Variants in CDH18 observed in about 807,000 individuals in gnomAD.
CDH18 encodes cadherin-18.
In CDH18, 31 loss-of-function variants were observed where a neutral mutation model predicts 67.9. The observed-to-expected ratio is 0.46, with a 90% CI of 0.34 to 0.62. The LOEUF (loss-of-function observed/expected upper bound fraction) is 0.62. CDH18 is among the 20% of genes least tolerant of loss of function. The pLI is 0.01. For missense variants in CDH18, 890 were observed against 975.5 expected (o/e 0.91, Z 1.17); for synonymous variants, 362 against 347.2 (o/e 1.04, Z -0.48).
intron 1 of CDH18, among the ~76,000 whole-genome samples, chr5:20,353,248 A>G (rs2150060488): frequency 6.6e-6 from 1 of 152,280 alleles, no homozygotes; most frequent in South Asian, 2.1e-4. Flanking sequence ...GCTTACCTGT[A>G]AGTGCCCAAG....
chr5:20,424,162 C>A (rs2150163877), intron 1 of CDH18, among the ~76,000 whole-genome samples: 1 of 150,390 alleles, frequency 6.6e-6, no homozygotes, highest in East Asian at 1.9e-4. Flanking sequence ...AGTAATAATT[C>A]TTAATAAGGA....
chr5:19,885,891 A>G (rs1788145397), intron 2 of CDH18, among the ~76,000 whole-genome samples: 2 of 152,208 alleles, frequency 1.3e-5, no homozygotes, highest in Admixed American at 6.5e-5. Context: ...AATTTCTTAT[A>G]TGGTGAGCGT....
chr5:20,413,217 G>T (rs1335036833), intron 1 of CDH18, among the ~76,000 whole-genome samples: 1 of 152,158 alleles, frequency 6.6e-6, no homozygotes, highest in Non-Finnish European at 1.5e-5. Flanking sequence ...ATCATTGATG[G>T]ACATTTGGGT....
chr5:19,948,035 A>G (rs1189370783), intron 2 of CDH18, among the ~76,000 whole-genome samples: 3 of 152,226 alleles, frequency 2.0e-5, no homozygotes, highest in Non-Finnish European at 4.4e-5. Flanking sequence ...AAGATGTTCA[A>G]TATCATTAGC....
At chr5:20,125,285 C>CGTGT (rs3067918) in intron 2 of CDH18, among the ~76,000 whole-genome samples, 3,868 of 150,136 alleles carry the variant, frequency 0.026, 96 homozygotes, top group African/African-American at 0.063. Flanking sequence ...AATACAACTT[C>CGTGT]GTGTGTGTGT....
intron 2 of CDH18, among the ~76,000 whole-genome samples, chr5:20,122,162 C>A (rs1486357235): frequency 6.6e-6 from 1 of 152,176 alleles, no homozygotes; most frequent in Non-Finnish European, 1.5e-5. Flanking sequence ...AATTCTGGCC[C>A]ACAAGTGCCT....
At chr5:20,217,020 T>C (rs10805681) in intron 2 of CDH18, among the ~76,000 whole-genome samples, 20,764 of 151,624 alleles carry the variant, frequency 0.14, 2,258 homozygotes, top group African/African-American at 0.31. Context: ...TATATAAATA[T>C]ATTAAAATAG....
At chr5:19,513,506 T>C (rs1223780739) in intron 10 of CDH18, among the ~76,000 whole-genome samples, 1 of 152,152 alleles carries the variant, frequency 6.6e-6, no homozygotes, top group African/African-American at 2.4e-5. Flanking sequence ...TATCTGTCTT[T>C]TCAAATAACT....
chr5:19,744,445 AGATT>A (rs1318960535), intron 4 of CDH18, among the ~76,000 whole-genome samples: 1 of 151,830 alleles, frequency 6.6e-6, no homozygotes, highest in Non-Finnish European at 1.5e-5. Context: ...ATTCTCACAT[AGATT>A]ATGTGGCATC....
chr5:20,436,391 T>C lies in CDH18; in HGVS notation c.-580+139071A>G, dbSNP rs16887366. On this transcript the variant is annotated intron_variant, in intron 1 of 14. Coordinates refer to the CDH18 transcript ENST00000507958. ...GACTTCCCACTATTCTATCATGCTC[T>C]TGTGTATACTCAATAGCTTAGCTTT... Among the ~76,000 whole-genome samples the C allele has an allele frequency of 7.6e-3, 1,149 of 152,064 alleles. 12 individuals carry two copies. The highest frequency in any genetic ancestry group is 0.026 in the African/African-American group (1,081 of 41,554).
intron 1 of CDH18, among the ~76,000 whole-genome samples, chr5:20,439,173 T>C (rs1749410220): frequency 9.2e-6 from 1 of 108,588 alleles, no homozygotes. Flanking sequence ...TCAACATAAT[T>C]CCACAAAACT....
At chr5:20,558,266 CA>C (rs1324533985) in intron 1 of CDH18, among the ~76,000 whole-genome samples, 2 of 152,142 alleles carry the variant, frequency 1.3e-5, no homozygotes, top group African/African-American at 2.4e-5. Flanking sequence ...CAATAACACA[CA>C]AATGCACACA....
intron 1 of CDH18, among the ~76,000 whole-genome samples, chr5:20,356,731 CTCTCTCT>C: frequency 7.4e-6 from 1 of 135,468 alleles, no homozygotes; most frequent in African/African-American, 3.1e-5. Flanking sequence ...CTCTCTCTCT[CTCTCTCT>C]CTCTCTCTCT....
chr5:20,084,687 A>C (rs7719189), intron 2 of CDH18, among the ~76,000 whole-genome samples: 115,825 of 152,034 alleles, frequency 0.76, 46,794 homozygotes, highest in Non-Finnish European at 0.9. Flanking sequence ...AGGTTCCCAA[A>C]CCTCAATTCT....
chr5:20,088,698 A>G (rs1745179866), intron 2 of CDH18, among the ~76,000 whole-genome samples: 1 of 152,158 alleles, frequency 6.6e-6, no homozygotes, highest in Non-Finnish European at 1.5e-5. Flanking sequence ...ATCAAGTTTT[A>G]TATTATTTAA....
At chr5:20,024,596 G>A (rs1423473521) in intron 2 of CDH18, among the ~76,000 whole-genome samples, 3 of 152,100 alleles carry the variant, frequency 2.0e-5, no homozygotes, top group African/African-American at 4.8e-5. Context: ...GAATACATAC[G>A]AGAATAAAAA....
chr5:19,637,773 T>C (rs1216374792), intron 5 of CDH18, among the ~76,000 whole-genome samples: 1 of 152,168 alleles, frequency 6.6e-6, no homozygotes, highest in Non-Finnish European at 1.5e-5. Context: ...CCTCTTGCTT[T>C]TCCTCACCCA....
intron 8 of CDH18, among the ~76,000 whole-genome samples, chr5:19,547,633 T>C (rs1452533312): frequency 6.6e-6 from 1 of 152,182 alleles, no homozygotes; most frequent in Admixed American, 6.5e-5. Flanking sequence ...ATTTTTAGAG[T>C]TAAACATTTT....
At chr5:20,435,456 T>C (rs1749096201) in intron 1 of CDH18, among the ~76,000 whole-genome samples, 1 of 152,090 alleles carries the variant, frequency 6.6e-6, no homozygotes, top group Non-Finnish European at 1.5e-5. Context: ...CCAGTATCTA[T>C]GCCCCCAACC....
Sources: allele counts gnomAD v4.1 joint callset (sites outside exome capture counted in the v4.1 genomes callset), GRCh38; gene constraint gnomAD v4.1.1; transcripts MANE v1.5; gene names NCBI Gene and HGNC (gene_info 2026-07-23, HGNC 2026-07-21).